PDGFRL: variants seen among roughly 807,000 people sequenced by gnomAD.
PDGFRL encodes the protein platelet derived growth factor receptor like, also known as platelet-derived growth factor receptor-like protein.
Under a neutral mutation model 37.2 loss-of-function variants are expected in PDGFRL, and 46 were observed. The observed-to-expected ratio is 1.24, with a 90% CI of 0.98 to 1.58. PDGFRL has a LOEUF of 1.58. Ranked by LOEUF, PDGFRL falls within the 40% of genes most tolerant of loss-of-function variation. The probability of loss-of-function intolerance (pLI) is 0.00; values close to 1 mark genes in which losing one functional copy is unlikely to be tolerated. For synonymous variants in PDGFRL, 251 were observed against 184.3 expected, an observed-to-expected ratio of 1.36 and a Z score of -2.93; for missense variants, 692 against 467.6, an observed-to-expected ratio of 1.48 and a Z score of -4.43.
At chr8:17,599,453 A>G (rs1804121718) in intron 2 of PDGFRL, among the ~76,000 whole-genome samples, 1 of 152,108 alleles carries the variant, frequency 6.6e-6, no homozygotes, top group African/African-American at 2.4e-5. Context: ...GGGCTCTGTC[A>G]TTTCTACTGA....
chr8:17,623,778 G>T (rs1804680386), intron 3 of PDGFRL, among the ~76,000 whole-genome samples: 4 of 151,562 alleles, frequency 2.6e-5, no homozygotes, highest in Admixed American at 2.0e-4. Context: ...GGAGGCTGAA[G>T]CAGGAGGATC....
chr8:17,598,522 T>C (rs1804100238), intron 2 of PDGFRL, among the ~76,000 whole-genome samples: 1 of 152,204 alleles, frequency 6.6e-6, no homozygotes, highest in Admixed American at 6.5e-5. Flanking sequence ...CAGTTCTTAG[T>C]CATTCATTCA....
chr8:17,637,063 G>A (rs1023749062), intron 5 of PDGFRL, among the ~76,000 whole-genome samples: 3 of 152,150 alleles, frequency 2.0e-5, no homozygotes, highest in African/African-American at 7.2e-5. Context: ...TCAGCAAACA[G>A]CGACAGTTTG....
At chr8:17,592,058 C>A (rs1360348450) in intron 2 of PDGFRL, among the ~76,000 whole-genome samples, 1 of 152,196 alleles carries the variant, frequency 6.6e-6, no homozygotes, top group African/African-American at 2.4e-5. Context: ...GGTTACCCAA[C>A]CAGAAGACTG....
intron 4 of PDGFRL, among the ~76,000 whole-genome samples, chr8:17,629,666 A>G (rs138434175): frequency 0.016 from 2,404 of 152,082 alleles, 35 homozygotes; most frequent in African/African-American, 0.037. Flanking sequence ...TTTTAGGGTG[A>G]CTTTGATATC....
chr8:17,585,690 C>G (rs1031944070), intron 1 of PDGFRL, among the ~76,000 whole-genome samples: 16 of 152,106 alleles, frequency 1.1e-4, no homozygotes, highest in African/African-American at 3.9e-4. Context: ...GAGGAGAAAA[C>G]CCAACAGCTC....
chr8:17,585,411 G>T, intron 1 of PDGFRL, among the ~76,000 whole-genome samples: 1 of 152,206 alleles, frequency 6.6e-6, no homozygotes, highest in Non-Finnish European at 1.5e-5. Context: ...TTGGAGTGGG[G>T]TTCTCGAAAG....
chr8:17,627,832 TTATAG>T (rs1032988144), intron 3 of PDGFRL, among the ~76,000 whole-genome samples: 2 of 151,890 alleles, frequency 1.3e-5, no homozygotes, highest in Non-Finnish European at 2.9e-5. Flanking sequence ...AAACTATATA[TTATAG>T]TATAAGAAGT....
intron 2 of PDGFRL, among the ~76,000 whole-genome samples, chr8:17,611,012 G>A (rs542841540): frequency 3.9e-5 from 6 of 152,340 alleles, no homozygotes; most frequent in Admixed American, 3.9e-4. Context: ...TTTCCTCCAA[G>A]TCATTCATTT....
intron 5 of PDGFRL, among the ~76,000 whole-genome samples, chr8:17,639,838 G>A (rs955334710): frequency 4.5e-4 from 69 of 152,072 alleles, no homozygotes; most frequent in Non-Finnish European, 5.9e-5. Flanking sequence ...GCAAGGCCAG[G>A]GAAGTTTTCT....
At chr8:17,579,138 A>G (rs1803653052) in intron 1 of PDGFRL, among the ~76,000 whole-genome samples, 1 of 152,172 alleles carries the variant, frequency 6.6e-6, no homozygotes, top group African/African-American at 2.4e-5. Flanking sequence ...CAGAGGTTGC[A>G]GTGAGCCGAG....
At chr8:17,634,560 A>G (rs2898460) in intron 5 of PDGFRL, among the ~76,000 whole-genome samples, 13,792 of 152,110 alleles carry the variant, frequency 0.091, 719 homozygotes, top group African/African-American at 0.15. Flanking sequence ...AAAGACATGG[A>G]ATCAACCTAA....
At chr8:17,589,370 A>T in intron 1 of PDGFRL, 98 bp from the exon 2 acceptor site, 1 of 842,246 alleles carries the variant, frequency 1.2e-6, no homozygotes, top group Non-Finnish European at 1.8e-6. Context: ...TGGGCAATAG[A>T]GTAAGAATCT....
At chr8:17,591,911 T>A (rs1739350901) in intron 2 of PDGFRL, among the ~76,000 whole-genome samples, 1 of 152,050 alleles carries the variant, frequency 6.6e-6, no homozygotes, top group African/African-American at 2.4e-5. Context: ...CGATACTGTG[T>A]CTCAAAAAAG....
chr8:17,597,711 A>G (rs1361679830), intron 2 of PDGFRL, among the ~76,000 whole-genome samples: 4 of 152,090 alleles, frequency 2.6e-5, no homozygotes, highest in Non-Finnish European at 4.4e-5. Flanking sequence ...TCTCTCTAGG[A>G]TTGGAGGATG....
chr8:17,626,098 T>G lies in PDGFRL; in HGVS notation c.506-2389T>G, dbSNP rs371337946. ...TCGCTTCAGATTATTCTACACACTT[T>G]TAAAACAAAAGTTGCCTCTAAATCT... On this transcript the variant is annotated intron_variant, in intron 3 of 5. Coordinates refer to ENST00000251630, the MANE Select transcript of PDGFRL (RefSeq NM_001372073.1). Among the ~76,000 whole-genome samples the G allele has an allele frequency of 5.9e-5, 9 of 152,388 alleles. No individual in the cohort carries two copies. The East Asian group carries it at 1.5e-3, about 26-fold the overall frequency.
chr8:17,598,758 C>A (rs1286233512), intron 2 of PDGFRL, among the ~76,000 whole-genome samples: 1 of 152,090 alleles, frequency 6.6e-6, no homozygotes, highest in Non-Finnish European at 1.5e-5. Flanking sequence ...TGGGAGGGGC[C>A]CAGTGGGAGA....
chr8:17,624,668 G>A (rs970870097), intron 3 of PDGFRL, among the ~76,000 whole-genome samples: 1 of 152,174 alleles, frequency 6.6e-6, no homozygotes, highest in African/African-American at 2.4e-5. Context: ...TAGCACTTTG[G>A]GAAGCCGAGG....
At chr8:17,602,915 AGTG>A (rs1162692428) in intron 2 of PDGFRL, among the ~76,000 whole-genome samples, 1 of 152,236 alleles carries the variant, frequency 6.6e-6, no homozygotes, top group Non-Finnish European at 1.5e-5. Context: ...CAGGCTACGT[AGTG>A]GTCACAGTTT....
Sources: allele counts gnomAD v4.1 joint callset (sites outside exome capture counted in the v4.1 genomes callset), GRCh38; gene constraint gnomAD v4.1.1; transcripts MANE v1.5; gene names NCBI Gene and HGNC (gene_info 2026-07-23, HGNC 2026-07-21).